Variants in PBX1 observed in about 807,000 individuals in gnomAD.
PBX1 encodes the protein PBX homeobox 1.
Under a neutral mutation model 53.4 loss-of-function variants are expected in PBX1, and 6 were observed. That is an observed-to-expected ratio of 0.11 (90% confidence interval 0.06 to 0.22). The LOEUF is 0.22. Ranked by LOEUF, PBX1 falls within the 10% of genes least tolerant of loss-of-function variation. The pLI, the probability that PBX1 is intolerant of heterozygous loss-of-function variation, is 1.00. For missense variants in PBX1, 251 were observed against 551.4 expected (o/e 0.46, Z 5.46); for synonymous variants, 204 against 212.3 (o/e 0.96, Z 0.34).
rs867935092 is a variant in PBX1 at position 164,624,902 on chromosome 1, T to C, written c.265+61591T>C. Among the ~76,000 whole-genome samples, 6 of 152,344 alleles carry C rather than the reference T, an allele frequency of 3.9e-5. 1 individual carries two copies. In the Middle Eastern group the frequency reaches 0.02, roughly 518 times the overall value. On this transcript the variant is annotated intron_variant, in intron 2 of 8. Transcript: ENST00000420696. ...GCTTATAAAATTTAGCAACTAATTTTCACTTTTGACAACTATTTTAATTCT... is the reference window on the plus strand; with the variant it reads ...GCTTATAAAATTTAGCAACTAATTTCCACTTTTGACAACTATTTTAATTCT...
intron 2 of PBX1, among the ~76,000 whole-genome samples, chr1:164,729,307 A>C (rs1664859726): frequency 6.6e-6 from 1 of 152,188 alleles, no homozygotes; most frequent in African/African-American, 2.4e-5. Flanking sequence ...GCTCACTATG[A>C]AATGGACAGA....
rs1652911343 is a variant in PBX1, at chr1:164,559,987, C to T, written c.165C>T (p.Asp55=). The T allele has an allele frequency of 1.3e-6, 2 of 1,486,132 alleles. No homozygotes were observed. The highest frequency in any genetic ancestry group is 1.8e-6 in the Non-Finnish European group (2 of 1,111,328). The allele number at this position is 1,486,132 out of a possible 1,614,324, so 92.1% of individuals were successfully genotyped here. A position where few individuals can be genotyped will look rare whatever the true frequency, so the allele number is the denominator to read the frequency against. The change falls in exon 1 of 9, where the codon GAC becomes GAT. Residue 55 remains aspartate, a synonymous_variant. Coordinates refer to ENST00000420696, the MANE Select transcript of PBX1 (RefSeq NM_002585.4). ...DILQQIMTIT[D]QSLDEAQARK... is the part of the protein sequence containing the mutation. ...TACAGCAAATTATGACCATCACAGA[C>T]CAGAGTTTGGATGAGGCGCAGGCCA... is the stretch of plus-strand genomic sequence containing the variant.
intron 2 of PBX1, among the ~76,000 whole-genome samples, chr1:164,726,357 C>T (rs879819119): frequency 2.0e-5 from 3 of 152,180 alleles, no homozygotes; most frequent in Non-Finnish European, 2.9e-5. Flanking sequence ...TCTACTTGTA[C>T]ATTACTTGAA....
intron 2 of PBX1, among the ~76,000 whole-genome samples, chr1:164,726,972 C>T (rs905680224): frequency 4.6e-5 from 7 of 152,200 alleles, no homozygotes; most frequent in Non-Finnish European, 8.8e-5. Context: ...AAGAAACCTT[C>T]GCTTTGGTTT....
At chr1:164,806,985 G>A (rs752694861) in intron 4 of PBX1, among the ~76,000 whole-genome samples, 5 of 152,130 alleles carry the variant, frequency 3.3e-5, no homozygotes, top group Admixed American at 6.5e-5. Flanking sequence ...GGGGCTGGGC[G>A]CGGTGGCTCA....
At chr1:164,681,930 G>A (rs1050832260) in intron 2 of PBX1, among the ~76,000 whole-genome samples, 5 of 152,068 alleles carry the variant, frequency 3.3e-5, no homozygotes, top group East Asian at 1.9e-4. Flanking sequence ...ATATTTACCC[G>A]GAAATGAAGA....
intron 2 of PBX1, among the ~76,000 whole-genome samples, chr1:164,574,627 C>T (rs528896726): frequency 1.3e-5 from 2 of 152,174 alleles, no homozygotes; most frequent in African/African-American, 4.8e-5. Flanking sequence ...TAACGTTACC[C>T]TCCATCAATC....
chr1:164,600,469 G>A (rs1410123669), intron 2 of PBX1, among the ~76,000 whole-genome samples: 2 of 151,932 alleles, frequency 1.3e-5, no homozygotes, highest in African/African-American at 4.8e-5. Flanking sequence ...GGCTGGTCTC[G>A]AACTCCTGAC....
In PBX1 at chr1:164,603,929, A is replaced by ATTTTTTTTTTTTTTTTTTTTTTTTTTT. The variant is rs71583414; in HGVS notation, c.265+40625_265+40651dup. ...GACACTCTGTACATTATGTCATTTC[A>ATTTTTTTTTTTTTTTTTTTTTTTTTTT]TTTTTTTTTTTTTTTTTTTTTTTTT... On this transcript the variant is annotated intron_variant, in intron 2 of 8. Coordinates refer to ENST00000420696, the MANE Select transcript of PBX1 (RefSeq NM_002585.4). Among the ~76,000 whole-genome samples, 7 of 75,742 alleles carry ATTTTTTTTTTTTTTTTTTTTTTTTTTT rather than the reference A, an allele frequency of 9.2e-5. 1 individual carries two copies. The highest frequency in any genetic ancestry group is 3.1e-4 in the African/African-American group (5 of 16,184). The allele number at this position is 75,742 out of a possible 152,430, so 49.7% of individuals were successfully genotyped here. A position where few individuals can be genotyped will look rare whatever the true frequency, so the allele number is the denominator to read the frequency against.
chr1:164,650,656 T>G (rs1281681431), intron 2 of PBX1, among the ~76,000 whole-genome samples: 2 of 152,156 alleles, frequency 1.3e-5, no homozygotes, highest in Non-Finnish European at 2.9e-5. Flanking sequence ...CAGGACAACC[T>G]GTCTTTGTCT....
chr1:164,592,154 ATCAAGTTGTGT>A (rs1032870901), intron 2 of PBX1, among the ~76,000 whole-genome samples: 7 of 152,126 alleles, frequency 4.6e-5, no homozygotes, highest in African/African-American at 1.7e-4. Context: ...CTTTGTTCAA[ATCAAGTTGTGT>A]TCAAGTCTGT....
chr1:164,876,945 C>A (rs1182726783), intron 2 of PBX1, among the ~76,000 whole-genome samples: 3 of 152,162 alleles, frequency 2.0e-5, no homozygotes, highest in Non-Finnish European at 2.9e-5. Flanking sequence ...GACCTCACAG[C>A]CCCGCAGAGC....
At chr1:164,581,908 T>G (rs1208105086) in intron 2 of PBX1, among the ~76,000 whole-genome samples, 1 of 152,232 alleles carries the variant, frequency 6.6e-6, no homozygotes, top group Non-Finnish European at 1.5e-5. Flanking sequence ...TGTGTAAATT[T>G]TCCATGTCTT....
At chr1:164,845,421 T>G (rs1243799591) in intron 8 of PBX1, among the ~76,000 whole-genome samples, 2 of 152,076 alleles carry the variant, frequency 1.3e-5, no homozygotes, top group Admixed American at 6.5e-5. Flanking sequence ...CCCCAAATTT[T>G]TCAGAGAATG....
rs1015870931 is a variant in PBX1 at position 164,618,300 on chromosome 1, G to C, written c.265+54989G>C. On this transcript the variant is annotated intron_variant, in intron 2 of 8. Coordinates refer to ENST00000420696, the MANE Select transcript of PBX1 (RefSeq NM_002585.4). The stretch of plus-strand genomic sequence containing the variant: ...ACCCCAGGGAGAATAATCACGGCGG[G>C]GGGGGGGGGGCACTCAAGATGATCA... Among the ~76,000 whole-genome samples the C allele has an allele frequency of 6.6e-4, 29 of 43,754 alleles. 1 individual carries two copies. Among genetic ancestry groups the C allele is most frequent in the Admixed American group, 3.7e-3 (13 of 3,556 alleles). 28.7% of individuals were successfully genotyped at this position (43,754 alleles called of 152,430 possible).
intron 2 of PBX1, among the ~76,000 whole-genome samples, chr1:164,662,326 A>T (rs7411230): frequency 0.58 from 88,523 of 152,010 alleles, 28,005 homozygotes; most frequent in Non-Finnish European, 0.71. Context: ...ACTCTGTCTC[A>T]AACAAACAAA....
At chr1:164,567,968 C>G (rs989134230) in intron 2 of PBX1, among the ~76,000 whole-genome samples, 7 of 152,092 alleles carry the variant, frequency 4.6e-5, no homozygotes, top group African/African-American at 1.4e-4. Context: ...GGGTTCTGTA[C>G]AGTAGGCTGC....
At chr1:164,636,964 T>C (rs1392281119) in intron 2 of PBX1, among the ~76,000 whole-genome samples, 1 of 152,156 alleles carries the variant, frequency 6.6e-6, no homozygotes. Flanking sequence ...ATAAAGTAAA[T>C]GGGGCTTAGT....
intron 2 of PBX1, among the ~76,000 whole-genome samples, chr1:164,575,672 G>A (rs937599852): frequency 2.0e-4 from 30 of 152,142 alleles, no homozygotes; most frequent in African/African-American, 6.8e-4. Context: ...ATTCTGAAAG[G>A]CACTCTATGG....
Sources: gnomAD v4.1 joint callset for allele counts (sites outside exome capture counted in the v4.1 genomes callset) on GRCh38, gnomAD v4.1.1 for gene constraint, MANE v1.5 for transcripts, NCBI Gene and HGNC (gene_info 2026-07-23, HGNC 2026-07-21) for gene names.